Variants in ZNF804B observed in about 807,000 individuals in gnomAD.
ZNF804B encodes zinc finger 804B.
ZNF804B carries 80 observed loss-of-function variants against 101.4 expected under a neutral mutation model. The ratio of observed to expected loss-of-function variants is 0.79; its 90% CI spans 0.66 to 0.95. The LOEUF is 0.95. Among genes scored for constraint, ZNF804B ranks in the 40% least tolerant of loss-of-function variants. The pLI is 0.00. For synonymous variants in ZNF804B, 622 were observed against 558.8 expected (o/e 1.11, Z -1.59); for missense variants, 1,673 against 1,561.9 (o/e 1.07, Z -1.20).
intron 1 of ZNF804B, among the ~76,000 whole-genome samples, chr7:89,175,233 C>A (rs1256493907): frequency 2.0e-5 from 3 of 151,812 alleles, no homozygotes; most frequent in Non-Finnish European, 2.9e-5. Context: ...GTCTTTAATT[C>A]ATTTTGTTTT....
chr7:88,793,816 A>C (rs1283788171), intron 1 of ZNF804B, among the ~76,000 whole-genome samples: 2 of 152,112 alleles, frequency 1.3e-5, no homozygotes, highest in Non-Finnish European at 2.9e-5. Flanking sequence ...TACTTCTGCT[A>C]TGTAGTAGTG....
intron 2 of ZNF804B, among the ~76,000 whole-genome samples, chr7:89,287,634 AC>A (rs1226265452): frequency 1.3e-5 from 2 of 152,182 alleles, no homozygotes; most frequent in Non-Finnish European, 2.9e-5. Flanking sequence ...GCCTTGGCTA[AC>A]TTTTGAGTTG....
intron 1 of ZNF804B, among the ~76,000 whole-genome samples, chr7:89,198,832 T>C (rs1202496860): frequency 6.6e-6 from 1 of 151,802 alleles, no homozygotes; most frequent in African/African-American, 2.4e-5. Context: ...TAGCAAAAGG[T>C]CATGTCAGGA....
intron 2 of ZNF804B, among the ~76,000 whole-genome samples, chr7:89,254,024 A>G (rs1041525924): frequency 4.6e-5 from 7 of 152,196 alleles, no homozygotes; most frequent in African/African-American, 1.7e-4. Context: ...CTAAAATACA[A>G]TGAATATGTT....
At chr7:88,851,970 C>A (rs1791455956) in intron 1 of ZNF804B, among the ~76,000 whole-genome samples, 1 of 152,066 alleles carries the variant, frequency 6.6e-6, no homozygotes, top group African/African-American at 2.4e-5. Context: ...AGGAACATCT[C>A]TTGTTTTCCA....
chr7:88,805,823 A>G (rs533479208), intron 1 of ZNF804B, among the ~76,000 whole-genome samples: 1 of 152,276 alleles, frequency 6.6e-6, no homozygotes, highest in Admixed American at 6.5e-5. Flanking sequence ...CTCAATGACA[A>G]GTACCTCTTA....
intron 1 of ZNF804B, among the ~76,000 whole-genome samples, chr7:88,828,287 G>A (rs894946659): frequency 6.6e-6 from 1 of 152,082 alleles, no homozygotes; most frequent in Non-Finnish European, 1.5e-5. Flanking sequence ...TAGGGTATAG[G>A]ACATTTCTAT....
chr7:88,958,329 A>C (rs1367009900), intron 1 of ZNF804B, among the ~76,000 whole-genome samples: 1 of 151,510 alleles, frequency 6.6e-6, no homozygotes, highest in Non-Finnish European at 1.5e-5. Context: ...ATAAAAATGG[A>C]GGCTCCTCGT....
chr7:88,877,060 T>TGAAAAAAAAAATATATA (rs1791964185), intron 1 of ZNF804B, among the ~76,000 whole-genome samples: 1 of 68,238 alleles, frequency 1.5e-5, no homozygotes, highest in Non-Finnish European at 2.7e-5. Context: ...TTTTTTTTTT[T>TGAAAAAAAAAATATATA]TTTTTTTTTT....
In ZNF804B at chr7:89,335,462, A is replaced by G. The variant is rs146092949; in HGVS notation, c.2480A>G (p.Tyr827Cys). The change falls in exon 4 of 4, where the codon TAT becomes TGT. Residue 827 changes from tyrosine (Y) to cysteine (C), a missense_variant. By Grantham distance (194) the Tyr-to-Cys change is radical. Transcript: ENST00000333190. ...FSGLKSTRIIYCDSNSQISCT... is the reference protein window; with the variant it reads ...FSGLKSTRIICCDSNSQISCT... Reference sequence around the variant, plus strand: ...GGGCTAAAATCTACGAGAATCATCTATTGTGATTCTAACTCACAGATTTCC... The same window carrying G: ...GGGCTAAAATCTACGAGAATCATCTGTTGTGATTCTAACTCACAGATTTCC... 2.3e-4 allele frequency: 369 copies of G among 1,614,006 alleles called. 1 individual carries two copies. The African/African-American group carries it at 4.1e-3, about 18-fold the overall frequency.
At chr7:89,036,483 A>C (rs1788930008) in intron 1 of ZNF804B, among the ~76,000 whole-genome samples, 1 of 151,996 alleles carries the variant, frequency 6.6e-6, no homozygotes, top group Non-Finnish European at 1.5e-5. Flanking sequence ...CCAGCAACTA[A>C]ATTTAAATAA....
rs1201063124 is a variant in ZNF804B at position 89,333,812 on chromosome 7, A to G, written c.830A>G (p.Lys277Arg). ...GCAAATAAAGATACACACCTTACCAAGGAAAAAGAGGTAAATATCTCACCA... is the reference window on the plus strand; with the variant it reads ...GCAAATAAAGATACACACCTTACCAGGGAAAAAGAGGTAAATATCTCACCA... ...RFANKDTHLTKEKEVNISPSH... is the reference protein window; with the variant it reads ...RFANKDTHLTREKEVNISPSH... Residue 277 changes from lysine to arginine, a missense_variant, in exon 4 of 4, where the codon AAG (lysine) becomes AGG (arginine). By Grantham distance (26) the Lys-to-Arg change is conservative. Transcript: ENST00000333190. The G allele has an allele frequency of 1.9e-6, 3 of 1,613,260 alleles. No individual in the cohort carries two copies. The highest frequency in any genetic ancestry group is 2.5e-6 in the Non-Finnish European group (3 of 1,179,674).
chr7:89,096,411 G>C (rs184092922), intron 1 of ZNF804B, among the ~76,000 whole-genome samples: 1 of 152,204 alleles, frequency 6.6e-6, no homozygotes, highest in East Asian at 1.9e-4. Flanking sequence ...AGGTGGAAGA[G>C]TTGATCCCGA....
intron 1 of ZNF804B, among the ~76,000 whole-genome samples, chr7:89,192,867 G>A (rs1413483062): frequency 6.6e-6 from 1 of 151,938 alleles, no homozygotes; most frequent in Non-Finnish European, 1.5e-5. Flanking sequence ...AAATAAACAT[G>A]ATTAATCACA....
intron 1 of ZNF804B, among the ~76,000 whole-genome samples, chr7:88,818,479 A>G (rs1282804500): frequency 6.6e-6 from 1 of 152,186 alleles, no homozygotes; most frequent in Non-Finnish European, 1.5e-5. Context: ...TGAAAGTAAT[A>G]AAAATGTCCC....
chr7:89,108,551 G>C (rs1038172217), intron 1 of ZNF804B, among the ~76,000 whole-genome samples: 2 of 152,056 alleles, frequency 1.3e-5, no homozygotes, highest in African/African-American at 4.8e-5. Flanking sequence ...AATCTCACAG[G>C]TCATCTCTGG....
chr7:89,325,603 A>G (rs912620513), intron 2 of ZNF804B, among the ~76,000 whole-genome samples: 1 of 152,006 alleles, frequency 6.6e-6, no homozygotes, highest in African/African-American at 2.4e-5. Context: ...CCTGGAATCT[A>G]GAAGGCTAAT....
chr7:89,000,296 T>G (rs1584063388), intron 1 of ZNF804B, among the ~76,000 whole-genome samples: 1 of 151,980 alleles, frequency 6.6e-6, no homozygotes, highest in East Asian at 1.9e-4. Flanking sequence ...TATTTTATCT[T>G]TAAGCAAGGT....
chr7:88,760,137 A>G, intron 1 of ZNF804B, 53 bp downstream of exon 1: 1 of 1,430,380 alleles, frequency 7.0e-7, no homozygotes, highest in South Asian at 1.1e-5. Flanking sequence ...CTCAACACAA[A>G]CAAAAAGATA....
Sources: allele counts gnomAD v4.1 joint callset (sites outside exome capture counted in the v4.1 genomes callset), GRCh38; gene constraint gnomAD v4.1.1; transcripts MANE v1.5; gene names NCBI Gene and HGNC (gene_info 2026-07-23, HGNC 2026-07-21).